NEDD9: variants seen among roughly 807,000 people sequenced by gnomAD.
NEDD9 encodes the protein neural precursor cell expressed, developmentally down-regulated 9.
A neutral mutation model predicts 76.6 loss-of-function variants in NEDD9; 26 were observed. The ratio of observed to expected loss-of-function variants is 0.34; its 90% CI spans 0.25 to 0.47. The LOEUF (loss-of-function observed/expected upper bound fraction) is 0.47, where lower values mean the gene tolerates loss of function less well. NEDD9 is among the 20% of genes least tolerant of loss of function. The pLI is 1.00. For synonymous variants in NEDD9, 392 were observed against 414.2 expected (o/e 0.95, Z 0.65); for missense variants, 937 against 1,058.5 (o/e 0.89, Z 1.59).
chr6:11,225,132 T>TA (rs1409564890), intron 1 of NEDD9, among the ~76,000 whole-genome samples: 1 of 151,922 alleles, frequency 6.6e-6, no homozygotes, highest in Non-Finnish European at 1.5e-5. Context: ...ATACACACAG[T>TA]AAAAAAAGGA....
At chr6:11,346,695 G>A (rs1450423801) in intron 1 of NEDD9, among the ~76,000 whole-genome samples, 1 of 152,230 alleles carries the variant, frequency 6.6e-6, no homozygotes, top group Non-Finnish European at 1.5e-5. Context: ...TGCTGGTTGA[G>A]CAGCCACTTT....
intron 1 of NEDD9, among the ~76,000 whole-genome samples, chr6:11,362,605 C>T (rs964772459): frequency 8.5e-5 from 13 of 152,312 alleles, no homozygotes; most frequent in African/African-American, 3.1e-4. Flanking sequence ...TTCACTATAA[C>T]TCTTGCTTGC....
At chr6:11,353,909 T>C (rs1027568640) in intron 1 of NEDD9, among the ~76,000 whole-genome samples, 1 of 152,074 alleles carries the variant, frequency 6.6e-6, no homozygotes, top group Non-Finnish European at 1.5e-5. Context: ...GGGACTCAAA[T>C]GAATGTCAGG....
At chr6:11,312,151 T>C (rs1156449781) in intron 2 of NEDD9, among the ~76,000 whole-genome samples, 2 of 152,074 alleles carry the variant, frequency 1.3e-5, no homozygotes, top group Non-Finnish European at 2.9e-5. Context: ...TCTCTCCAGC[T>C]GGCCCTGGAC....
At chr6:11,308,554 A>G (rs1182399772) in intron 2 of NEDD9, among the ~76,000 whole-genome samples, 2 of 151,796 alleles carry the variant, frequency 1.3e-5, no homozygotes, top group Non-Finnish European at 2.9e-5. Flanking sequence ...TATTTTTAGT[A>G]GAGACGGGGT....
At chr6:11,212,552 T>C (rs1007536286) in intron 2 of NEDD9, among the ~76,000 whole-genome samples, 1 of 152,224 alleles carries the variant, frequency 6.6e-6, no homozygotes, top group Admixed American at 6.5e-5. Context: ...TGACCTCAAA[T>C]TGCTAAAGTA....
At chr6:11,319,615 ACT>A (rs1284674344) in intron 2 of NEDD9, among the ~76,000 whole-genome samples, 11 of 95,814 alleles carry the variant, frequency 1.1e-4, no homozygotes, top group African/African-American at 1.8e-4. Context: ...GCACACTCAC[ACT>A]CACACACACA....
At chr6:11,216,549 A>G (rs78323724) in intron 1 of NEDD9, among the ~76,000 whole-genome samples, 2,005 of 152,352 alleles carry the variant, frequency 0.013, 82 homozygotes, top group East Asian at 0.13. Context: ...TCAGCCACGC[A>G]GCATCCTTGT....
Position 11,189,976 on chromosome 6 carries a change from G to A in NEDD9, c.1893C>T (p.Tyr631=), listed in dbSNP as rs150305673. The change falls in exon 5 of 7, where the codon TAC becomes TAT. Residue 631 remains tyrosine, a synonymous_variant. Coordinates refer to ENST00000379446, the MANE Select transcript of NEDD9 (RefSeq NM_006403.4). ...SERSWMDDYD[Y]VHLQGKEEFE... ...TCCGCTGTTTTACCTGTAGGTGGAC[G>A]TAATCGTAGTCATCCATCCAGCTCC... 15 of 1,516,376 alleles carry A rather than the reference G, an allele frequency of 9.9e-6. No individual in the cohort carries two copies. The highest frequency in any genetic ancestry group is 4.5e-5 in the Admixed American group (2 of 44,156). The allele number at this position is 1,516,376 out of a possible 1,614,324, so 93.9% of individuals were successfully genotyped here.
chr6:11,222,037 A>G (rs1423924122), intron 1 of NEDD9, among the ~76,000 whole-genome samples: 5 of 152,220 alleles, frequency 3.3e-5, no homozygotes. Flanking sequence ...CTATATTACA[A>G]TATACTTCCA....
In NEDD9 at chr6:11,241,917, C is replaced by T. The variant is rs2113291064; in HGVS notation, c.13-28190G>A. On this transcript the variant is annotated intron_variant, in intron 3 of 3. Coordinates refer to the NEDD9 transcript ENST00000397378. The surrounding 1 kb of genome is among the most constrained non-coding windows in gnomAD (Gnocchi z 4.0). ...GAAAGGAATCCGGATAATACAAGGCCTGGTGGAGAGGCGGGTGAGAGGAAT... is the reference window on the plus strand; with the variant it reads ...GAAAGGAATCCGGATAATACAAGGCTTGGTGGAGAGGCGGGTGAGAGGAAT... Among the ~76,000 whole-genome samples the T allele has an allele frequency of 6.6e-6, 1 of 152,346 alleles. No individual in the cohort carries two copies. Among genetic ancestry groups the T allele is most frequent in the Middle Eastern group, 3.4e-3 (1 of 294 alleles).
At chr6:11,240,098 T>C (rs1326230259) in intron 3 of NEDD9, among the ~76,000 whole-genome samples, 2 of 150,940 alleles carry the variant, frequency 1.3e-5, no homozygotes, top group Admixed American at 6.6e-5. Context: ...TGGAGGGTAG[T>C]GTCTTCTAAA....
At chr6:11,351,602 T>C (rs1005163801) in intron 1 of NEDD9, among the ~76,000 whole-genome samples, 3 of 152,150 alleles carry the variant, frequency 2.0e-5, no homozygotes, top group Non-Finnish European at 4.4e-5. Flanking sequence ...GAACATCCTT[T>C]TTCTGAAGAC....
chr6:11,356,888 C>G (rs73366833), intron 1 of NEDD9, among the ~76,000 whole-genome samples: 1 of 152,124 alleles, frequency 6.6e-6, no homozygotes, highest in Non-Finnish European at 1.5e-5. Flanking sequence ...AAAGTTTCTG[C>G]TGGTATCTAA....
intron 3 of NEDD9, among the ~76,000 whole-genome samples, chr6:11,300,003 G>A (rs1010911992): frequency 4.6e-5 from 7 of 152,218 alleles, no homozygotes; most frequent in Non-Finnish European, 7.3e-5. Flanking sequence ...ACGGGACAGA[G>A]AATGAGTTTG....
chr6:11,306,499 G>T (rs1259581000), intron 2 of NEDD9, among the ~76,000 whole-genome samples: 5 of 152,236 alleles, frequency 3.3e-5, no homozygotes, highest in African/African-American at 1.2e-4. Context: ...CTTGGGTGGA[G>T]TCTTGAGAGA....
intron 2 of NEDD9, among the ~76,000 whole-genome samples, chr6:11,197,633 C>T (rs993461145): frequency 2.0e-5 from 3 of 152,110 alleles, no homozygotes; most frequent in Admixed American, 6.5e-5. Flanking sequence ...AGTCTGGGTC[C>T]TGGCAGGATA....
At chr6:11,333,741 C>T (rs1448524532) in intron 2 of NEDD9, among the ~76,000 whole-genome samples, 1 of 152,240 alleles carries the variant, frequency 6.6e-6, no homozygotes, top group Non-Finnish European at 1.5e-5. Context: ...GCTTTATCTA[C>T]CACATCCTTT....
At chr6:11,243,244 A>G (rs1759742859) in intron 3 of NEDD9, among the ~76,000 whole-genome samples, 2 of 152,160 alleles carry the variant, frequency 1.3e-5, no homozygotes, top group Non-Finnish European at 2.9e-5. Flanking sequence ...TCCATCAATA[A>G]CCATCAAAGC....
Sources: gnomAD v4.1 joint callset for allele counts (sites outside exome capture counted in the v4.1 genomes callset) on GRCh38, gnomAD v4.1.1 for gene constraint, Gnocchi (gnomAD v3.1) non-coding constraint, MANE v1.5 for transcripts, NCBI Gene and HGNC (gene_info 2026-07-23, HGNC 2026-07-21) for gene names.